Variants in PDE3B observed in about 807,000 individuals in gnomAD.
PDE3B encodes cGMP-inhibited 3',5'-cyclic phosphodiesterase 3B.
A neutral mutation model predicts 116.8 loss-of-function variants in PDE3B; 66 were observed. The ratio of observed to expected loss-of-function variants is 0.56; its 90% CI spans 0.46 to 0.69. The LOEUF (loss-of-function observed/expected upper bound fraction) is 0.69, where lower values mean the gene tolerates loss of function less well. Among genes scored for constraint, PDE3B ranks in the 30% least tolerant of loss-of-function variants. The pLI, the probability that PDE3B is intolerant of heterozygous loss-of-function variation, is 0.00. For missense variants in PDE3B, 1,384 were observed against 1,368.1 expected (o/e 1.01, Z -0.18); for synonymous variants, 595 against 533.6 (o/e 1.12, Z -1.59).
intron 2 of PDE3B, among the ~76,000 whole-genome samples, chr11:14,784,131 A>G (rs1468102514): frequency 6.6e-6 from 1 of 152,172 alleles, no homozygotes; most frequent in Non-Finnish European, 1.5e-5. Context: ...TCGCACCCCT[A>G]CCCAGTCTGT....
chr11:14,714,105 G>A (rs1406012126), intron 1 of PDE3B, among the ~76,000 whole-genome samples: 2 of 151,966 alleles, frequency 1.3e-5, no homozygotes, highest in Non-Finnish European at 2.9e-5. Flanking sequence ...TTGATGATTG[G>A]TTAAAGAGGA....
Position 14,786,668 on chromosome 11 carries a change from G to C in PDE3B, c.1261G>C (p.Asp421His). The C allele has an allele frequency of 6.2e-7, 1 of 1,611,218 alleles. No individual in the cohort carries two copies. The highest frequency in any genetic ancestry group is 8.5e-7 in the Non-Finnish European group (1 of 1,177,674). ...SEIEDPAEKG[D>H]RKLNKGLNRN... Reference sequence around the variant, plus strand: ...AATAGAGGACCCAGCTGAGAAAGGGGATAGAAAACTTAACAAGGTCGAAAT... The same window carrying C: ...AATAGAGGACCCAGCTGAGAAAGGGCATAGAAAACTTAACAAGGTCGAAAT... Residue 421 changes from aspartate (D) to histidine (H), a missense_variant, in exon 3 of 16, where the codon GAT (aspartate) becomes CAT (histidine). Physicochemically the swap from Asp to His is moderately conservative, Grantham distance 81. Transcript: ENST00000282096.
intron 4 of PDE3B, among the ~76,000 whole-genome samples, chr11:14,794,938 T>C (rs1858506133): frequency 6.6e-6 from 1 of 152,230 alleles, no homozygotes; most frequent in Admixed American, 6.5e-5. Flanking sequence ...CAGGAGCTTC[T>C]GCCCCTGTGG....
intron 11 of PDE3B, among the ~76,000 whole-genome samples, chr11:14,835,413 A>C (rs1437485161): frequency 6.6e-6 from 1 of 151,762 alleles, no homozygotes; most frequent in Non-Finnish European, 1.5e-5. Flanking sequence ...CCCGAATATT[A>C]TGATAATTAG....
intron 1 of PDE3B, among the ~76,000 whole-genome samples, chr11:14,723,863 CAA>C (rs1244912406): frequency 1.3e-5 from 2 of 151,930 alleles, no homozygotes; most frequent in Admixed American, 6.6e-5. Context: ...GCACAGAAAA[CAA>C]AAAGAAGAGT....
intron 1 of PDE3B, among the ~76,000 whole-genome samples, chr11:14,765,552 A>G (rs1391027260): frequency 2.6e-5 from 4 of 152,034 alleles, no homozygotes; most frequent in South Asian, 2.1e-4. Context: ...GTTTAATAGT[A>G]TATATTACTT....
intron 11 of PDE3B, among the ~76,000 whole-genome samples, chr11:14,837,619 G>A (rs993799689): frequency 1.6e-4 from 24 of 152,252 alleles, no homozygotes; most frequent in Admixed American, 1.5e-3. Flanking sequence ...TCTCCAGTCT[G>A]TTCTCAATGA....
intron 12 of PDE3B, among the ~76,000 whole-genome samples, chr11:14,846,133 C>T (rs1479090729): frequency 2.6e-5 from 4 of 152,176 alleles, no homozygotes; most frequent in East Asian, 3.8e-4. Context: ...AGACTAACAG[C>T]GGATCTCTCA....
At chr11:14,781,184 C>CA (rs1277991399) in intron 2 of PDE3B, among the ~76,000 whole-genome samples, 1 of 151,954 alleles carries the variant, frequency 6.6e-6, no homozygotes, top group African/African-American at 2.4e-5. Flanking sequence ...GCCTACCAAC[C>CA]AAAAAAAGTC....
intron 7 of PDE3B, among the ~76,000 whole-genome samples, chr11:14,820,869 AT>A (rs1013025838): frequency 6.6e-6 from 1 of 152,238 alleles, no homozygotes; most frequent in Admixed American, 6.5e-5. Flanking sequence ...ATAAATTCCT[AT>A]TTTTTTATAA....
chr11:14,658,404 T>A (rs1853780422), intron 1 of PDE3B, among the ~76,000 whole-genome samples: 1 of 152,196 alleles, frequency 6.6e-6, no homozygotes. Flanking sequence ...TCGCCCAGGC[T>A]GAAGTGCAAT....
At chr11:14,839,587 A>C (rs1323030769) in intron 11 of PDE3B, among the ~76,000 whole-genome samples, 1 of 152,214 alleles carries the variant, frequency 6.6e-6, no homozygotes, top group African/African-American at 2.4e-5. Context: ...GATATTTGGC[A>C]CAGAGCAATT....
At position 14,694,184 on chromosome 11, in the gene PDE3B, G is replaced by A. The variant is rs1002482699; in HGVS notation, c.978+49131G>A. Among the ~76,000 whole-genome samples, 3 of 152,184 alleles carry A rather than the reference G, an allele frequency of 2.0e-5. No homozygotes were observed. In the East Asian group the frequency reaches 5.8e-4, roughly 29 times the overall value. ...ATGAGCAAAGAAAGTGGATTCTTGA[G>A]ATGGAATCTACTTCTGATAAAGATG... On this transcript the variant is annotated intron_variant, in intron 1 of 15. Transcript: ENST00000282096.
Position 14,803,945 on chromosome 11 carries a change from C to G in PDE3B, c.1417C>G (p.Gln473Glu). 1 of 1,570,592 alleles carries G rather than the reference C, an allele frequency of 6.4e-7. No homozygotes were observed. The highest frequency in any genetic ancestry group is 8.8e-7 in the Non-Finnish European group (1 of 1,141,150). Reference sequence around the variant, plus strand: ...TAACCTGTTATTTTTCCCTTTTAGTCAAGGATGCTATCTAAATGGGCCTTT... The same window carrying G: ...TAACCTGTTATTTTTCCCTTTTAGTGAAGGATGCTATCTAAATGGGCCTTT... ...RPHQEFGISS[Q>E]GCYLNGPFNS... Residue 473 changes from glutamine (Q) to glutamate (E), a missense_variant and splice_region_variant, in exon 5 of 16, where the codon CAA becomes GAA. Physicochemically the swap from Gln to Glu is conservative, Grantham distance 29. This residue lies in a region of PDE3B where 956 missense variants were observed against 806.8 expected (regional missense o/e 1.18). Coordinates refer to ENST00000282096, the MANE Select transcript of PDE3B (RefSeq NM_000922.4).
chr11:14,752,608 G>A (rs1857084166), intron 1 of PDE3B, among the ~76,000 whole-genome samples: 1 of 152,016 alleles, frequency 6.6e-6, no homozygotes, highest in African/African-American at 2.4e-5. Context: ...CTGTGAGAAC[G>A]TTGAAATGTT....
the PDE3B span, chr11:14,887,682 C>A: frequency 1.0e-6 from 1 of 981,106 alleles, no homozygotes; most frequent in Non-Finnish European, 1.2e-6. Context: ...CAAACCAGCC[C>A]TACTCATAAT....
At chr11:14,732,526 T>G (rs1172637049) in intron 1 of PDE3B, among the ~76,000 whole-genome samples, 1 of 152,218 alleles carries the variant, frequency 6.6e-6, no homozygotes. Flanking sequence ...GTCATTTTTT[T>G]CATGGTTAAA....
chr11:14,663,736 T>G (rs949643602), intron 1 of PDE3B, among the ~76,000 whole-genome samples: 5 of 152,182 alleles, frequency 3.3e-5, no homozygotes, highest in African/African-American at 1.2e-4. Flanking sequence ...TAAATATATA[T>G]GCACCCAATA....
chr11:14,652,782 A>T (rs1012029381), intron 1 of PDE3B, among the ~76,000 whole-genome samples: 3 of 152,098 alleles, frequency 2.0e-5, no homozygotes, highest in African/African-American at 7.2e-5. Flanking sequence ...ATCATACAGT[A>T]TTTTTTTGTG....
Sources: allele counts gnomAD v4.1 joint callset (sites outside exome capture counted in the v4.1 genomes callset), GRCh38; gene constraint gnomAD v4.1.1; regional missense constraint gnomAD v4.1.1; transcripts MANE v1.5; gene names NCBI Gene and HGNC (gene_info 2026-07-23, HGNC 2026-07-21).